Variants in OCA2 observed in about 807,000 individuals in gnomAD.
OCA2 encodes OCA2 melanosomal transmembrane protein.
Under a neutral mutation model 100.2 loss-of-function variants are expected in OCA2, and 77 were observed. That is an observed-to-expected ratio of 0.77 (90% CI 0.64 to 0.93). OCA2 has a LOEUF of 0.93. OCA2 is among the 40% of genes least tolerant of loss of function. The pLI is 0.00. For missense variants in OCA2, 1,062 were observed against 1,089.1 expected, an observed-to-expected ratio of 0.98 and a Z score of 0.35; for synonymous variants, 432 against 439.2, an observed-to-expected ratio of 0.98 and a Z score of 0.21.
At position 27,773,875 on chromosome 15, in the gene OCA2, C is replaced by T. The variant is rs1028292980; in HGVS notation, c.2433-18403G>A. 3.9e-5 allele frequency among the ~76,000 whole-genome samples: 6 copies of T among 152,132 alleles called. No homozygotes were observed. In the South Asian group the frequency reaches 6.2e-4, roughly 16 times the overall value. On this transcript the variant is annotated intron_variant, in intron 23 of 23. Coordinates refer to ENST00000354638, the MANE Select transcript of OCA2 (RefSeq NM_000275.3). ...CCTCTTAATTTTGTTTCTATTTGTG[C>T]GTATACAATTCCTGAATTCTTGTAG...
At position 27,952,814 on chromosome 15, in the gene OCA2, C is replaced by G. The variant is rs535096913; in HGVS notation, c.1843-922G>C. Among the ~76,000 whole-genome samples, 8 of 152,232 alleles carry G rather than the reference C, an allele frequency of 5.3e-5. No individual in the cohort carries two copies. In the South Asian group the frequency reaches 6.2e-4, roughly 12 times the overall value. On this transcript the variant is annotated intron_variant, in intron 17 of 23. Coordinates refer to ENST00000354638, the MANE Select transcript of OCA2 (RefSeq NM_000275.3). ...CTACCTCAGCCTCCCTCCCCAGTAG[C>G]TGGGACTACAGGTGTGCACCACCAT...
intron 23 of OCA2, among the ~76,000 whole-genome samples, chr15:27,761,050 C>T (rs929378960): frequency 6.6e-6 from 1 of 151,926 alleles, no homozygotes; most frequent in Non-Finnish European, 1.5e-5. Flanking sequence ...GGATTCTCAC[C>T]ACTCTTATTC....
chr15:28,041,641 T>G (rs1022624413), intron 2 of OCA2, among the ~76,000 whole-genome samples: 9 of 152,208 alleles, frequency 5.9e-5, no homozygotes, highest in Non-Finnish European at 1.3e-4. Flanking sequence ...ACTCCATTTT[T>G]AAAATCATTA....
At chr15:28,015,535 TA>T (rs966899686) in intron 8 of OCA2, among the ~76,000 whole-genome samples, 4 of 152,116 alleles carry the variant, frequency 2.6e-5, no homozygotes, top group African/African-American at 7.2e-5. Context: ...GGATGACTCC[TA>T]ATCCAGTAGG....
chr15:28,011,009 A>G (rs2042224173), intron 9 of OCA2, among the ~76,000 whole-genome samples: 1 of 152,192 alleles, frequency 6.6e-6, no homozygotes, highest in Non-Finnish European at 1.5e-5. Flanking sequence ...AGAATAGAGA[A>G]CCCAGAGAGA....
chr15:27,919,614 G>A (rs1315769978), intron 19 of OCA2, among the ~76,000 whole-genome samples: 1 of 152,294 alleles, frequency 6.6e-6, no homozygotes, highest in East Asian at 1.9e-4. Context: ...TCCAGGGGCT[G>A]GGGGAGAAGA....
intron 18 of OCA2, 38 bp downstream of exon 18, chr15:27,951,746 G>T: frequency 7.2e-7 from 1 of 1,389,228 alleles, no homozygotes; most frequent in Non-Finnish European, 1.0e-6. Flanking sequence ...CATCCAGAAT[G>T]TGACAAAGCC....
chr15:27,758,522 T>C lies in OCA2; in HGVS notation c.2433-3050A>G, dbSNP rs1006862963. Reference sequence around the variant, plus strand: ...TCAACAGAAGCCAATACTGAGGTGATACAGATGTCGAAATTATCTGAAAAG... The same window carrying C: ...TCAACAGAAGCCAATACTGAGGTGACACAGATGTCGAAATTATCTGAAAAG... On this transcript the variant is annotated intron_variant, in intron 23 of 23. Transcript: ENST00000354638. Among the ~76,000 whole-genome samples the C allele has an allele frequency of 6.6e-5, 10 of 152,166 alleles. No homozygotes were observed. The South Asian group carries it at 1.4e-3, about 22-fold the overall frequency.
chr15:27,776,618 T>A (rs1158648661), intron 23 of OCA2: 2 of 152,470 alleles, frequency 1.3e-5, no homozygotes, highest in South Asian at 4.1e-4. Context: ...CTGAGGCACC[T>A]GTCCTCTGAG....
chr15:27,824,578 T>TTCTCTCTCTCTCTCTCTCTCTCTCTC lies in OCA2; in HGVS notation c.2432+20380_2432+20381insGAGAGAGAGAGAGAGAGAGAGAGAGA, dbSNP rs368293640. 1.5e-3 allele frequency among the ~76,000 whole-genome samples: 83 copies of TTCTCTCTCTCTCTCTCTCTCTCTCTC among 53,570 alleles called. 8 individuals are homozygous for TTCTCTCTCTCTCTCTCTCTCTCTCTC. The highest frequency in any genetic ancestry group is 0.016 in the Middle Eastern group (1 of 64). 35.1% of individuals were successfully genotyped at this position (53,570 alleles called of 152,430 possible). ...CTAATTTCTTTTGAATAAATACAAT[T>TTCTCTCTCTCTCTCTCTCTCTCTCTC]TCTCTCTCTCTCTCTCTCTCTCTCT... On this transcript the variant is annotated intron_variant, in intron 23 of 23. Transcript: ENST00000354638.
the OCA2 span, among the ~76,000 whole-genome samples, chr15:27,742,740 A>G: frequency 2.0e-5 from 3 of 152,208 alleles, no homozygotes; most frequent in African/African-American, 4.8e-5. Flanking sequence ...AGCTCTCTTT[A>G]TATGTATGAT....
At chr15:28,005,080 G>A (rs890407171) in intron 9 of OCA2, among the ~76,000 whole-genome samples, 3 of 152,142 alleles carry the variant, frequency 2.0e-5, no homozygotes, top group East Asian at 1.9e-4. Context: ...GAGCTGGACC[G>A]TGGTGTCAGG....
At chr15:27,736,906 G>A in the OCA2 span, among the ~76,000 whole-genome samples, 4 of 152,074 alleles carry the variant, frequency 2.6e-5, no homozygotes, top group Admixed American at 6.5e-5. Context: ...AACTTAAAAT[G>A]CCATTATTTA....
At chr15:27,953,883 A>G (rs2040122416) in intron 17 of OCA2, among the ~76,000 whole-genome samples, 1 of 151,854 alleles carries the variant, frequency 6.6e-6, no homozygotes, top group South Asian at 2.1e-4. Flanking sequence ...ACAGTACCCA[A>G]TGTGTAGTCT....
intron 19 of OCA2, among the ~76,000 whole-genome samples, chr15:27,895,510 A>G (rs1433133535): frequency 6.6e-6 from 1 of 152,206 alleles, no homozygotes. Flanking sequence ...GACGGACCTG[A>G]GGAACTTGCT....
chr15:27,907,732 T>C lies in OCA2; in HGVS notation c.2079+18395A>G, dbSNP rs971508202. On this transcript the variant is annotated intron_variant, in intron 19 of 23. Transcript: ENST00000354638. Reference sequence around the variant, plus strand: ...CATAAATGACTAATTTGGAAACTTCTGTGAAAATAAATTTTAAACCCTAGG... The same window carrying C: ...CATAAATGACTAATTTGGAAACTTCCGTGAAAATAAATTTTAAACCCTAGG... Among the ~76,000 whole-genome samples, 7 of 152,208 alleles carry C rather than the reference T, an allele frequency of 4.6e-5. No homozygotes were observed. The East Asian group carries it at 5.8e-4, about 13-fold the overall frequency.
intron 19 of OCA2, among the ~76,000 whole-genome samples, chr15:27,898,382 A>G (rs147210318): frequency 0.013 from 2,019 of 152,266 alleles, 42 homozygotes; most frequent in African/African-American, 0.042. Flanking sequence ...ACTCTCCTGC[A>G]CTGTTCTCGT....
At chr15:27,839,718 A>G (rs113398108) in intron 23 of OCA2, among the ~76,000 whole-genome samples, 80 of 152,352 alleles carry the variant, frequency 5.3e-4, no homozygotes, top group African/African-American at 1.9e-3. Flanking sequence ...GTAACAGGAA[A>G]TACTTAACAT....
chr15:27,865,121 G>C (rs1332895979), intron 21 of OCA2, among the ~76,000 whole-genome samples: 3 of 151,850 alleles, frequency 2.0e-5, no homozygotes, highest in African/African-American at 7.3e-5. Flanking sequence ...ACAACCCCAA[G>C]CTGAAGACAC....
Sources: allele counts gnomAD v4.1 joint callset (sites outside exome capture counted in the v4.1 genomes callset), GRCh38; gene constraint gnomAD v4.1.1; transcripts MANE v1.5; gene names NCBI Gene and HGNC (gene_info 2026-07-23, HGNC 2026-07-21).